The following TRPM7 variants were observed in gnomAD, a reference collection of about 807,000 sequenced individuals.
The protein encoded by TRPM7 is LTRPC ion channel family member 7.
In TRPM7, 134 loss-of-function variants were observed where a neutral mutation model predicts 229.7. The ratio of observed to expected loss-of-function variants is 0.58; its 90% confidence interval spans 0.51 to 0.67. The LOEUF (loss-of-function observed/expected upper bound fraction) is 0.67. TRPM7 is among the 30% of genes least tolerant of loss of function. The pLI is 0.00. For synonymous variants in TRPM7, 699 were observed against 715.2 expected (o/e 0.98, Z 0.36); for missense variants, 1,901 against 2,210.0 (o/e 0.86, Z 2.80).
At chr15:50,628,356 C>A in intron 10 of TRPM7, 107 bp from the exon 11 acceptor site, 1 of 724,616 alleles carries the variant, frequency 1.4e-6, no homozygotes, top group Non-Finnish European at 2.3e-6. Flanking sequence ...GTTGCTCAGG[C>A]TAAAGTGCAA....
At chr15:50,620,412 T>C (rs779052543) in intron 12 of TRPM7, among the ~76,000 whole-genome samples, 10 of 152,110 alleles carry the variant, frequency 6.6e-5, no homozygotes, top group Non-Finnish European at 1.2e-4. Flanking sequence ...AGCCAAAAGA[T>C]TGGACATCCC....
At chr15:50,605,249 T>C in intron 20 of TRPM7, 105 bp from the exon 21 acceptor site, 2 of 1,005,214 alleles carry the variant, frequency 2.0e-6, no homozygotes, top group East Asian at 4.9e-5. Context: ...ATAGCTTTTA[T>C]TTATTAACTT....
At chr15:50,577,204 TG>T (rs58068848) in intron 31 of TRPM7, among the ~76,000 whole-genome samples, 2,209 of 152,122 alleles carry the variant, frequency 0.015, 59 homozygotes, top group African/African-American at 0.051. Flanking sequence ...GGAAGAACAC[TG>T]GATTTCATTA....
At chr15:50,623,066 T>C (rs2060455463) in intron 12 of TRPM7, among the ~76,000 whole-genome samples, 1 of 152,184 alleles carries the variant, frequency 6.6e-6, no homozygotes, top group African/African-American at 2.4e-5. Context: ...GGTTATTAGT[T>C]GGAAGCAAAA....
In TRPM7 at chr15:50,686,705, C is replaced by A; in HGVS notation, c.-172G>T. The A allele has an allele frequency of 1.2e-6, 1 of 829,802 alleles. No individual in the cohort carries two copies. The highest frequency in any genetic ancestry group is 3.3e-5 in the Admixed American group (1 of 30,470). 51.4% of individuals were successfully genotyped at this position (829,802 alleles called of 1,614,324 possible). A position where few individuals can be genotyped will look rare whatever the true frequency, so the allele number is the denominator to read the frequency against. On this transcript the variant is annotated 5_prime_UTR_variant, in exon 1 of 39. Transcript: ENST00000646667. The stretch of plus-strand genomic sequence containing the variant: ...TCAGCTCCGGCGCTAGCAGCAGAAG[C>A]CGAGTCTTTCATAATTGTGCGACCA...
rs1379310886 is a variant in TRPM7, at chr15:50,607,185, A to C, written c.2709+15T>G. ...TATACAGTAAATTATTGGTAGAAAAAAACTAAAGACATACCTCACGGACTT... is the reference window on the plus strand; with the variant it reads ...TATACAGTAAATTATTGGTAGAAAACAACTAAAGACATACCTCACGGACTT... On this transcript the variant is annotated intron_variant, in intron 20 of 38. Coordinates refer to ENST00000646667, the MANE Select transcript of TRPM7 (RefSeq NM_017672.6). 8.2e-6 allele frequency: 13 copies of C among 1,593,178 alleles called. No individual in the cohort carries two copies. Among genetic ancestry groups the C allele is most frequent in the Non-Finnish European group, 8.5e-6 (10 of 1,173,834 alleles).
chr15:50,664,308 C>CAAAAA, intron 1 of TRPM7, among the ~76,000 whole-genome samples: 1 of 58,910 alleles, frequency 1.7e-5, no homozygotes. Context: ...GACTCCGTCT[C>CAAAAA]AAAAAAAAAA....
chr15:50,672,716 C>T (rs891552414), intron 1 of TRPM7, among the ~76,000 whole-genome samples: 23 of 151,606 alleles, frequency 1.5e-4, no homozygotes, highest in African/African-American at 5.3e-4. Context: ...TCGAGACCAG[C>T]CTGATCAATG....
chr15:50,622,284 G>A (rs2060430610), intron 12 of TRPM7, among the ~76,000 whole-genome samples: 1 of 152,048 alleles, frequency 6.6e-6, no homozygotes, highest in East Asian at 1.9e-4. Context: ...AAGGAACCCT[G>A]AAAATCAAAA....
intron 8 of TRPM7, among the ~76,000 whole-genome samples, chr15:50,633,384 ATAG>A (rs1174610027): frequency 6.6e-6 from 1 of 152,204 alleles, no homozygotes; most frequent in Non-Finnish European, 1.5e-5. Flanking sequence ...TGGCTCAAAA[ATAG>A]TAGAAAACAT....
intron 2 of TRPM7, among the ~76,000 whole-genome samples, chr15:50,660,033 G>A (rs1381896121): frequency 6.6e-6 from 1 of 152,118 alleles, no homozygotes; most frequent in Non-Finnish European, 1.5e-5. Flanking sequence ...TTTTATTTTA[G>A]AACTGGCACA....
Position 50,648,849 on chromosome 15 carries a change from A to C in TRPM7, c.159T>G (p.Cys53Trp). ...FCGRLVKQHA[C>W]FTASLAMKYS... is the part of the protein sequence containing the mutation. Reference sequence around the variant, plus strand: ...ATTTCATGGCAAGACTTGCAGTAAAACAAGCATGTTGCTTGACCAAGCGAC... The same window carrying C: ...ATTTCATGGCAAGACTTGCAGTAAACCAAGCATGTTGCTTGACCAAGCGAC... The change falls in exon 4 of 39, where the codon TGT becomes TGG. Residue 53 changes from cysteine to tryptophan, a missense_variant. Physicochemically the swap from Cys to Trp is radical, Grantham distance 215. Coordinates refer to ENST00000646667, the MANE Select transcript of TRPM7 (RefSeq NM_017672.6). The C allele has an allele frequency of 6.2e-7, 1 of 1,612,338 alleles. No individual in the cohort carries two copies. The highest frequency in any genetic ancestry group is 8.5e-7 in the Non-Finnish European group (1 of 1,179,002).
At chr15:50,588,385 A>G (rs958641361) in intron 27 of TRPM7, 15 of 143,120 alleles carry the variant, frequency 1.0e-4, no homozygotes, top group Non-Finnish European at 1.9e-4. Context: ...ATATCTAGTT[A>G]ATAGATATTA....
At chr15:50,668,341 CTTTAT>C (rs1346257310) in intron 1 of TRPM7, among the ~76,000 whole-genome samples, 6 of 152,106 alleles carry the variant, frequency 3.9e-5, no homozygotes, top group African/African-American at 1.2e-4. Context: ...GTCGCTGATC[CTTTAT>C]TTTGTTTTGC....
chr15:50,652,232 C>G (rs2061439861), intron 3 of TRPM7, among the ~76,000 whole-genome samples: 1 of 140,928 alleles, frequency 7.1e-6, no homozygotes, highest in African/African-American at 2.6e-5. Context: ...TCTGAGGAGG[C>G]TGAGGCATGA....
intron 28 of TRPM7, among the ~76,000 whole-genome samples, chr15:50,584,089 GA>G (rs1245730445): frequency 6.6e-6 from 1 of 151,936 alleles, no homozygotes; most frequent in Non-Finnish European, 1.5e-5. Context: ...TTATTTATCC[GA>G]AATGAACTTT....
At chr15:50,597,327 T>C (rs980792743) in intron 22 of TRPM7, among the ~76,000 whole-genome samples, 7 of 152,182 alleles carry the variant, frequency 4.6e-5, no homozygotes, top group African/African-American at 1.7e-4. Context: ...TAATGATGAA[T>C]TAGTGATAAG....
intron 5 of TRPM7, among the ~76,000 whole-genome samples, chr15:50,640,588 T>C (rs1313631465): frequency 1.3e-5 from 2 of 152,008 alleles, no homozygotes; most frequent in East Asian, 1.9e-4. Flanking sequence ...GCCTGGCCCA[T>C]TATTACTTCT....
At chr15:50,663,750 A>G (rs1466994346) in intron 1 of TRPM7, among the ~76,000 whole-genome samples, 1 of 152,142 alleles carries the variant, frequency 6.6e-6, no homozygotes, top group Admixed American at 6.6e-5. Flanking sequence ...GGATCCTTTT[A>G]GACAGAATTC....
Sources: gnomAD v4.1 joint callset for allele counts (sites outside exome capture counted in the v4.1 genomes callset) on GRCh38, gnomAD v4.1.1 for gene constraint, MANE v1.5 for transcripts, NCBI Gene and HGNC (gene_info 2026-07-23, HGNC 2026-07-21) for gene names.